ABLIM3: variants seen among roughly 807,000 people sequenced by gnomAD.
ABLIM3 encodes actin binding LIM protein family member 3, also known as actin-binding LIM protein 3.
Under a neutral mutation model 109.5 loss-of-function variants are expected in ABLIM3, and 61 were observed. The ratio of observed to expected loss-of-function variants is 0.56; its 90% CI spans 0.45 to 0.69. The LOEUF (loss-of-function observed/expected upper bound fraction) is 0.69, where lower values mean the gene tolerates loss of function less well. Among genes scored for constraint, ABLIM3 ranks in the 30% least tolerant of loss-of-function variants. The pLI, the probability that ABLIM3 is intolerant of heterozygous loss-of-function variation, is 0.00. For synonymous variants in ABLIM3, 300 were observed against 324.8 expected, an observed-to-expected ratio of 0.92 and a Z score of 0.82; for missense variants, 796 against 889.5, an observed-to-expected ratio of 0.89 and a Z score of 1.34.
intron 6 of ABLIM3, among the ~76,000 whole-genome samples, chr5:149,208,276 A>T (rs1184630313): frequency 6.6e-6 from 1 of 152,254 alleles, no homozygotes; most frequent in African/African-American, 2.4e-5. Context: ...CTGGCTTCAG[A>T]CATGGAGGAA....
intron 2 of ABLIM3, among the ~76,000 whole-genome samples, chr5:149,144,450 T>C (rs1340007972): frequency 6.6e-6 from 1 of 152,204 alleles, no homozygotes; most frequent in Non-Finnish European, 1.5e-5. Context: ...TTGGGTCACC[T>C]GACTAAGCAA....
rs573927708 is a variant in ABLIM3, at chr5:149,210,619, G to A, written c.576-107G>A. ...AATTGTTTATTAAAGGAGAAGTATC[G>A]AACTTTGGCTCAGTCAACATAGGCT... is the stretch of plus-strand genomic sequence containing the variant. On this transcript the variant is annotated intron_variant, in intron 6 of 23. Coordinates refer to ENST00000309868, the MANE Select transcript of ABLIM3 (RefSeq NM_014945.5). 35 of 874,390 alleles carry A rather than the reference G, an allele frequency of 4.0e-5. No individual in the cohort carries two copies. The African/African-American group carries it at 4.8e-4, about 12-fold the overall frequency. 54.2% of individuals were successfully genotyped at this position (874,390 alleles called of 1,614,324 possible). A position where few individuals can be genotyped will look rare whatever the true frequency, so the allele number is the denominator to read the frequency against.
intron 8 of ABLIM3, among the ~76,000 whole-genome samples, chr5:149,225,937 A>ATATATGTATG (rs1458950451): frequency 7.1e-6 from 1 of 141,454 alleles, no homozygotes. Flanking sequence ...ATATATATAT[A>ATATATGTATG]TATGTATGTA....
chr5:149,236,182 T>C (rs576606408), intron 10 of ABLIM3, among the ~76,000 whole-genome samples: 68 of 152,214 alleles, frequency 4.5e-4, no homozygotes, highest in South Asian at 1.0e-3. Flanking sequence ...CAAGGAAGGG[T>C]GGACACTGGG....
chr5:149,197,500 T>C (rs1758090040), intron 3 of ABLIM3, among the ~76,000 whole-genome samples: 1 of 152,102 alleles, frequency 6.6e-6, no homozygotes. Flanking sequence ...TCTGCAGCAT[T>C]TTTAGCTCTT....
chr5:149,225,980 GTGTATATATATATATA>G (rs1385500637), intron 8 of ABLIM3, among the ~76,000 whole-genome samples: 2 of 21,920 alleles, frequency 9.1e-5, no homozygotes, highest in African/African-American at 5.6e-4. Context: ...GTGTGTGTGT[GTGTATATATATATATA>G]TATATATATA....
chr5:149,142,860 G>C (rs1387144355), intron 2 of ABLIM3, among the ~76,000 whole-genome samples: 1 of 152,126 alleles, frequency 6.6e-6, no homozygotes, highest in African/African-American at 2.4e-5. Flanking sequence ...TCAATGTAGC[G>C]CTGTGACCTG....
chr5:149,199,601 G>A (rs76828127), intron 4 of ABLIM3, among the ~76,000 whole-genome samples: 6 of 152,170 alleles, frequency 3.9e-5, no homozygotes, highest in Admixed American at 2.6e-4. Context: ...TAGCTCCCCC[G>A]ACTCTCACCC....
intron 22 of ABLIM3, 123 bp downstream of exon 22, chr5:149,252,331 G>GA (rs1754013156): frequency 6.4e-6 from 7 of 1,100,702 alleles, no homozygotes; most frequent in Non-Finnish European, 9.0e-6. Context: ...AACCCCAGGG[G>GA]TCCTTTCAAG....
chr5:149,240,501 G>A (rs1212027434), intron 13 of ABLIM3, 175 bp from the exon 14 acceptor site: 23 of 599,022 alleles, frequency 3.8e-5, no homozygotes, highest in Admixed American at 1.4e-4. Flanking sequence ...TTCTGCCAAC[G>A]TGGTGCATGA....
chr5:149,147,048 TC>T (rs1752995310), intron 2 of ABLIM3, among the ~76,000 whole-genome samples: 1 of 151,868 alleles, frequency 6.6e-6, no homozygotes, highest in Admixed American at 6.6e-5. Context: ...TTACATATAT[TC>T]CTAGGGTTTC....
intron 9 of ABLIM3, among the ~76,000 whole-genome samples, chr5:149,232,070 C>T (rs982935965): frequency 2.6e-5 from 4 of 152,130 alleles, no homozygotes; most frequent in Non-Finnish European, 5.9e-5. Flanking sequence ...CTTTGGGAGG[C>T]CAAGGCGGGT....
intron 2 of ABLIM3, among the ~76,000 whole-genome samples, chr5:149,169,512 A>T (rs918329399): frequency 6.6e-6 from 1 of 152,184 alleles, no homozygotes; most frequent in Non-Finnish European, 1.5e-5. Context: ...AAATTAAATC[A>T]TTAGCAAAGG....
Position 149,156,811 on chromosome 5 carries a change from C to G in ABLIM3, c.13+14703C>G, listed in dbSNP as rs530606884. On this transcript the variant is annotated intron_variant, in intron 2 of 23. Coordinates refer to ENST00000309868, the MANE Select transcript of ABLIM3 (RefSeq NM_014945.5). ...CCACACAGTCTCTGTGGCATGAAAG[C>G]AGCCATAGACAATGTGTAAAGAAAT... Among the ~76,000 whole-genome samples the G allele has an allele frequency of 1.3e-4, 20 of 152,314 alleles. No individual in the cohort carries two copies. In the South Asian group the frequency reaches 4.1e-3, roughly 32 times the overall value.
In ABLIM3 at chr5:149,198,629, G is replaced by C. The variant is rs1758209305; in HGVS notation, c.335+227G>C. ...CTGATCTAAAACACTGGTTTGTCCT[G>C]TGATAGAGGCAGAGTGAGGATCTGT... On this transcript the variant is annotated intron_variant, in intron 4 of 23. Coordinates refer to ENST00000309868, the MANE Select transcript of ABLIM3 (RefSeq NM_014945.5). The surrounding 1 kb of genome is among the most constrained non-coding windows in gnomAD (Gnocchi z 4.2). 6.6e-6 allele frequency among the ~76,000 whole-genome samples: 1 copy of C among 152,208 alleles called. No individual in the cohort carries two copies. The highest frequency in any genetic ancestry group is 1.9e-4 in the East Asian group (1 of 5,204).
rs906658023 is a variant in ABLIM3 at position 149,259,333 on chromosome 5, C to A, written c.*929C>A. The A allele has an allele frequency of 3.5e-6, 5 of 1,428,920 alleles. No individual in the cohort carries two copies. The Admixed American group carries it at 1.4e-4, about 40-fold the overall frequency. 88.5% of individuals were successfully genotyped at this position (1,428,920 alleles called of 1,614,324 possible). A position where few individuals can be genotyped will look rare whatever the true frequency, so the allele number is the denominator to read the frequency against. On this transcript the variant is annotated 3_prime_UTR_variant, in exon 24 of 24. Coordinates refer to ENST00000309868, the MANE Select transcript of ABLIM3 (RefSeq NM_014945.5). Reference sequence around the variant, plus strand: ...TTTAGCCTTATTACAATCTATGTGCCTGACAACTCAACACACCGCAGGGCT... The same window carrying A: ...TTTAGCCTTATTACAATCTATGTGCATGACAACTCAACACACCGCAGGGCT...
chr5:149,237,847 A>G (rs1163171727), intron 11 of ABLIM3, among the ~76,000 whole-genome samples: 1 of 151,742 alleles, frequency 6.6e-6, no homozygotes, highest in African/African-American at 2.4e-5. Context: ...GGGAAGCAGC[A>G]CCCCCTATAG....
chr5:149,171,134 T>C (rs915646269), intron 2 of ABLIM3, among the ~76,000 whole-genome samples: 4 of 152,344 alleles, frequency 2.6e-5, no homozygotes, highest in Admixed American at 1.3e-4. Flanking sequence ...AGTCATTTAT[T>C]TGAAACATAT....
At chr5:149,244,073 G>A (rs973956040) in intron 15 of ABLIM3, 2 of 152,356 alleles carry the variant, frequency 1.3e-5, no homozygotes, top group African/African-American at 2.4e-5. Context: ...ATGAGAAATG[G>A]TCATGCAGCC....
Sources: allele counts gnomAD v4.1 joint callset (sites outside exome capture counted in the v4.1 genomes callset), GRCh38; gene constraint gnomAD v4.1.1; non-coding constraint Gnocchi (gnomAD v3.1); transcripts MANE v1.5; gene names NCBI Gene and HGNC (gene_info 2026-07-23, HGNC 2026-07-21).